BCAS3: variants seen among roughly 807,000 people sequenced by gnomAD.
BCAS3 encodes BCAS3 microtubule associated cell migration factor.
A neutral mutation model predicts 116.1 loss-of-function variants in BCAS3; 53 were observed. That is an observed-to-expected ratio of 0.46 (90% CI 0.37 to 0.57). The LOEUF (loss-of-function observed/expected upper bound fraction) is 0.57. Ranked by LOEUF, BCAS3 falls within the 20% of genes least tolerant of loss-of-function variation. The pLI is 0.00. For missense variants in BCAS3, 917 were observed against 1,165.4 expected, an observed-to-expected ratio of 0.79 and a Z score of 3.10; for synonymous variants, 391 against 408.2, an observed-to-expected ratio of 0.96 and a Z score of 0.51.
intron 14 of BCAS3, among the ~76,000 whole-genome samples, chr17:60,969,423 A>G (rs1425774893): frequency 6.6e-6 from 1 of 152,206 alleles, no homozygotes; most frequent in African/African-American, 2.4e-5. Context: ...CAATATCAAA[A>G]ATAAAAATGA....
At chr17:61,230,397 T>G (rs1188650603) in intron 22 of BCAS3, among the ~76,000 whole-genome samples, 3 of 152,146 alleles carry the variant, frequency 2.0e-5, no homozygotes, top group African/African-American at 4.8e-5. Flanking sequence ...CATGGGCATC[T>G]TGCACTCAGG....
At chr17:60,855,185 T>C (rs1309850285) in intron 7 of BCAS3, among the ~76,000 whole-genome samples, 1 of 151,506 alleles carries the variant, frequency 6.6e-6, no homozygotes, top group Non-Finnish European at 1.5e-5. Context: ...CCTGACCTCG[T>C]GATCTACCCA....
At chr17:60,914,692 C>T (rs1180106652) in intron 12 of BCAS3, among the ~76,000 whole-genome samples, 1 of 152,214 alleles carries the variant, frequency 6.6e-6, no homozygotes, top group East Asian at 1.9e-4. Context: ...CCCTGTCCTC[C>T]TCCTCCTTAG....
intron 6 of BCAS3, among the ~76,000 whole-genome samples, chr17:60,761,801 A>T (rs1434001727): frequency 1.5e-5 from 2 of 130,744 alleles, no homozygotes; most frequent in Non-Finnish European, 3.0e-5. Context: ...ACAATGGTTG[A>T]ACTAGTTTAT....
At position 61,084,590 on chromosome 17, in the gene BCAS3, A is replaced by G. The variant is rs1414809962; in HGVS notation, c.2425+26A>G. 1.9e-6 allele frequency: 3 copies of G among 1,546,282 alleles called. No individual in the cohort carries two copies. The highest frequency in any genetic ancestry group is 1.4e-5 in the African/African-American group (1 of 73,460). On this transcript the variant is annotated intron_variant, in intron 22 of 23. Transcript: ENST00000407086. This position sits in a 1 kb window ranked among gnomAD's most constrained non-coding sequence, Gnocchi z 5.5. ...GTAGAAAACCACCTCTGAAATATTT[A>G]TTGGGCAGTCCTGTGCATTTTTAAC...
intron 16 of BCAS3, among the ~76,000 whole-genome samples, chr17:61,030,243 A>G (rs2066535889): frequency 1.3e-5 from 2 of 152,052 alleles, no homozygotes; most frequent in Non-Finnish European, 2.9e-5. Context: ...AGCGCCTTCC[A>G]TGCTTGTGTC....
intron 6 of BCAS3, among the ~76,000 whole-genome samples, chr17:60,770,648 A>G (rs2044586784): frequency 1.3e-5 from 2 of 149,960 alleles, no homozygotes; most frequent in East Asian, 2.0e-4. Context: ...CGATCTCCTG[A>G]CCTCGTGATC....
In BCAS3 at chr17:61,270,142, C is replaced by T. The variant is rs188319141; in HGVS notation, c.2426-98185C>T. Among the ~76,000 whole-genome samples, 232 of 103,408 alleles carry T rather than the reference C, an allele frequency of 2.2e-3. 1 individual carries two copies. Among genetic ancestry groups the T allele is most frequent in the African/African-American group, 8.5e-3 (220 of 25,840 alleles). The allele number at this position is 103,408 out of a possible 152,430, so 67.8% of individuals were successfully genotyped here. A position where few individuals can be genotyped will look rare whatever the true frequency, so the allele number is the denominator to read the frequency against. The stretch of plus-strand genomic sequence containing the variant: ...TTTTTTTTTTTTTTTTTTTTTGAGA[C>T]GGAGTCTGGCTCTGTCACCCAGGCT... On this transcript the variant is annotated intron_variant, in intron 22 of 23. Coordinates refer to ENST00000407086, the MANE Select transcript of BCAS3 (RefSeq NM_017679.5).
At chr17:61,373,636 C>T (rs1443429124) in intron 23 of BCAS3, among the ~76,000 whole-genome samples, 2 of 146,538 alleles carry the variant, frequency 1.4e-5, no homozygotes, top group Non-Finnish European at 3.0e-5. Context: ...TTAGTAGAGA[C>T]GAGGTTTCAC....
At position 61,084,567 on chromosome 17, in the gene BCAS3, A is replaced by G; in HGVS notation, c.2425+3A>G. ...CACAGTGATTGATGCTGCCTCAGGTAGAAAACCACCTCTGAAATATTTATT... is the reference window on the plus strand; with the variant it reads ...CACAGTGATTGATGCTGCCTCAGGTGGAAAACCACCTCTGAAATATTTATT... On this transcript the variant is annotated splice_donor_region_variant and intron_variant, in intron 22 of 23. Coordinates refer to ENST00000407086, the MANE Select transcript of BCAS3 (RefSeq NM_017679.5). The surrounding 1 kb of genome is among the most constrained non-coding windows in gnomAD (Gnocchi z 5.5). 1 of 1,606,950 alleles carries G rather than the reference A, an allele frequency of 6.2e-7. No homozygotes were observed. The highest frequency in any genetic ancestry group is 8.5e-7 in the Non-Finnish European group (1 of 1,173,562).
chr17:61,253,686 A>G (rs962662569), intron 22 of BCAS3, among the ~76,000 whole-genome samples: 5 of 151,476 alleles, frequency 3.3e-5, no homozygotes, highest in East Asian at 1.9e-4. Context: ...CCAGTGCTTC[A>G]TAAAGTCCTG....
rs2073282959 is a variant in BCAS3, at chr17:61,088,686, C to T, written c.2425+4122C>T. The stretch of plus-strand genomic sequence containing the variant: ...CTTCTGAGTCATCAAATCAAAGAGC[C>T]TAGAAAGATCTGGTTCACCCCTGAG... On this transcript the variant is annotated intron_variant, in intron 22 of 23. Transcript: ENST00000407086. This position sits in a 1 kb window ranked among gnomAD's most constrained non-coding sequence, Gnocchi z 4.2. 6.6e-6 allele frequency among the ~76,000 whole-genome samples: 1 copy of T among 152,152 alleles called. No individual in the cohort carries two copies. The highest frequency in any genetic ancestry group is 2.1e-4 in the South Asian group (1 of 4,830).
chr17:61,205,148 G>C lies in BCAS3; in HGVS notation c.2425+120584G>C, dbSNP rs1199791903. On this transcript the variant is annotated intron_variant, in intron 22 of 23. Coordinates refer to ENST00000407086, the MANE Select transcript of BCAS3 (RefSeq NM_017679.5). The surrounding 1 kb of genome is among the most constrained non-coding windows in gnomAD (Gnocchi z 5.2). ...TATTATTTTTCTCATTTCTACCTATGAAAAAAAGGTTGAAACTGAAAGAAA... is the reference window on the plus strand; with the variant it reads ...TATTATTTTTCTCATTTCTACCTATCAAAAAAAGGTTGAAACTGAAAGAAA... Among the ~76,000 whole-genome samples the C allele has an allele frequency of 6.6e-6, 1 of 151,204 alleles. No individual in the cohort carries two copies. The highest frequency in any genetic ancestry group is 2.4e-5 in the African/African-American group (1 of 41,118).
At position 61,034,739 on chromosome 17, in the gene BCAS3, G is replaced by C. The variant is rs56710603; in HGVS notation, c.1711G>C (p.Gly571Arg). The change falls in exon 17 of 24, where the codon GGA becomes CGA. Residue 571 changes from glycine (G) to arginine (R), a missense_variant. By Grantham distance (125) the Gly-to-Arg change is moderately radical. Transcript: ENST00000407086. The surrounding 1 kb of genome is among the most constrained non-coding windows in gnomAD (Gnocchi z 5.0). Reference sequence around the variant, plus strand: ...AGAATTTTGTGTGGCTGCTATCTTCGGAACATCCAGGTCATGGTTTGCAAA... The same window carrying C: ...AGAATTTTGTGTGGCTGCTATCTTCCGAACATCCAGGTCATGGTTTGCAAA... ...GGEFCVAAIF[G>R]TSRSWFANNA... is the part of the protein sequence containing the mutation. 1 of 1,612,814 alleles carries C rather than the reference G, an allele frequency of 6.2e-7. No individual in the cohort carries two copies.
In BCAS3 at chr17:61,228,283, A is replaced by G. The variant is rs2082475819; in HGVS notation, c.2426-140044A>G. The stretch of plus-strand genomic sequence containing the variant: ...GCTGAGAAATTATGAAGGCGACTAT[A>G]GACACATCAAAATCTATTACCAGAA... On this transcript the variant is annotated intron_variant, in intron 22 of 23. Transcript: ENST00000407086. This position sits in a 1 kb window ranked among gnomAD's most constrained non-coding sequence, Gnocchi z 5.0. Among the ~76,000 whole-genome samples, 1 of 152,222 alleles carries G rather than the reference A, an allele frequency of 6.6e-6. No individual in the cohort carries two copies. Among genetic ancestry groups the G allele is most frequent in the African/African-American group, 2.4e-5 (1 of 41,448 alleles).
chr17:60,777,626 C>CA (rs202064549), intron 6 of BCAS3, among the ~76,000 whole-genome samples: 2,226 of 151,044 alleles, frequency 0.015, 13 homozygotes, highest in Middle Eastern at 0.034. Context: ...ACTCTGTCTC[C>CA]AAAAAGAAAA....
chr17:61,045,370 A>G (rs2067950867), intron 19 of BCAS3, among the ~76,000 whole-genome samples: 2 of 151,530 alleles, frequency 1.3e-5, no homozygotes, highest in Admixed American at 1.3e-4. Flanking sequence ...AATTAGCTGA[A>G]CATGGTGATA....
At chr17:61,274,958 A>G (rs1330834298) in intron 22 of BCAS3, among the ~76,000 whole-genome samples, 1 of 152,170 alleles carries the variant, frequency 6.6e-6, no homozygotes, top group Non-Finnish European at 1.5e-5. Flanking sequence ...TCCTGGTCTC[A>G]AGTAATGATC....
chr17:60,857,116 CAGTT>C (rs2053748818), intron 7 of BCAS3, among the ~76,000 whole-genome samples: 1 of 152,112 alleles, frequency 6.6e-6, no homozygotes, highest in East Asian at 1.9e-4. Context: ...AAGAAAAGGT[CAGTT>C]AAAGAGAATT....
Sources: allele counts gnomAD v4.1 joint callset (sites outside exome capture counted in the v4.1 genomes callset), GRCh38; gene constraint gnomAD v4.1.1; non-coding constraint Gnocchi (gnomAD v3.1); transcripts MANE v1.5; gene names NCBI Gene and HGNC (gene_info 2026-07-23, HGNC 2026-07-21).